The following MYO16 variants were observed in gnomAD, a reference collection of about 807,000 sequenced individuals.
The protein encoded by MYO16 is unconventional myosin-XVI.
A neutral mutation model predicts 205.3 loss-of-function variants in MYO16; 94 were observed. That is an observed-to-expected ratio of 0.46 (90% CI 0.39 to 0.54). The LOEUF (loss-of-function observed/expected upper bound fraction) is 0.54. MYO16 is among the 20% of genes least tolerant of loss of function. The pLI is 0.00. For missense variants in MYO16, 2,315 were observed against 2,387.5 expected (o/e 0.97, Z 0.63); for synonymous variants, 988 against 954.0 (o/e 1.04, Z -0.66).
chr13:108,676,370 C>CACGTGTGTGT (rs1245845490), intron 2 of MYO16, among the ~76,000 whole-genome samples: 2 of 27,196 alleles, frequency 7.4e-5, no homozygotes, highest in South Asian at 2.0e-3. Flanking sequence ...ATTATATGTA[C>CACGTGTGTGT]GCGTGTGTGT....
the MYO16 span, among the ~76,000 whole-genome samples, chr13:108,532,617 A>AC: frequency 6.7e-6 from 1 of 148,194 alleles, no homozygotes. Context: ...ACATAGTGAG[A>AC]CCCCCATCTC....
At chr13:108,983,964 C>A (rs540869099) in intron 20 of MYO16, among the ~76,000 whole-genome samples, 1 of 152,112 alleles carries the variant, frequency 6.6e-6, no homozygotes, top group Non-Finnish European at 1.5e-5. Flanking sequence ...AATTTATCAG[C>A]CTGGAAAGGT....
rs533078321 is a variant in MYO16 at position 108,773,068 on chromosome 13, C to T, written c.508-12567C>T. Reference sequence around the variant, plus strand: ...CCTAGTCTTCATAGTTGGCTATCTTCGTACTGTATCCTTACATGGTAGAAA... The same window carrying T: ...CCTAGTCTTCATAGTTGGCTATCTTTGTACTGTATCCTTACATGGTAGAAA... On this transcript the variant is annotated intron_variant, in intron 4 of 34. Transcript: ENST00000457511. Among the ~76,000 whole-genome samples the T allele has an allele frequency of 6.2e-4, 95 of 152,166 alleles. 1 individual carries two copies. The highest frequency in any genetic ancestry group is 1.2e-3 in the Non-Finnish European group (81 of 68,034).
At chr13:108,653,473 T>C (rs1881102623) in intron 1 of MYO16, among the ~76,000 whole-genome samples, 1 of 152,124 alleles carries the variant, frequency 6.6e-6, no homozygotes, top group African/African-American at 2.4e-5. Flanking sequence ...TCCAATGTCA[T>C]AAATGTCATA....
intron 4 of MYO16, among the ~76,000 whole-genome samples, chr13:108,743,795 A>G (rs1884979571): frequency 6.6e-6 from 1 of 152,254 alleles, no homozygotes; most frequent in Non-Finnish European, 1.5e-5. Flanking sequence ...CATTTCGTAC[A>G]CATATGGCTT....
intron 12 of MYO16, among the ~76,000 whole-genome samples, chr13:108,875,041 T>C (rs1879259934): frequency 6.6e-6 from 1 of 152,108 alleles, no homozygotes; most frequent in South Asian, 2.1e-4. Flanking sequence ...TGGAGAAATA[T>C]AATGACCAGT....
At chr13:108,704,910 A>G (rs1362875601) in intron 2 of MYO16, among the ~76,000 whole-genome samples, 1 of 151,282 alleles carries the variant, frequency 6.6e-6, no homozygotes, top group Non-Finnish European at 1.5e-5. Flanking sequence ...GAAAATATCA[A>G]CACAATGAAA....
chr13:109,031,626 A>G (rs1389719420), intron 23 of MYO16, among the ~76,000 whole-genome samples: 2 of 152,142 alleles, frequency 1.3e-5, no homozygotes, highest in African/African-American at 2.4e-5. Flanking sequence ...CTTCCAAATT[A>G]TTTTCACATT....
intron 6 of MYO16, among the ~76,000 whole-genome samples, chr13:108,805,607 A>C (rs1887089501): frequency 6.6e-6 from 1 of 152,036 alleles, no homozygotes; most frequent in Non-Finnish European, 1.5e-5. Flanking sequence ...TGTTTATAAA[A>C]TACATCATGT....
intron 22 of MYO16, among the ~76,000 whole-genome samples, chr13:109,013,103 A>ACCC (rs1248419494): frequency 0.026 from 383 of 14,520 alleles, no homozygotes; most frequent in South Asian, 0.045. Flanking sequence ...TCCTAATGCT[A>ACCC]CCCCTCCCCC....
At chr13:109,065,474 TA>T (rs1164358952) in intron 27 of MYO16, 4 of 411,782 alleles carry the variant, frequency 9.7e-6, no homozygotes, top group African/African-American at 6.4e-5. Context: ...TAAAACCATT[TA>T]TTTTTTTCAA....
chr13:108,705,018 T>C (rs1253080048), intron 2 of MYO16, among the ~76,000 whole-genome samples: 2 of 151,494 alleles, frequency 1.3e-5, no homozygotes, highest in African/African-American at 4.8e-5. Flanking sequence ...GAAGATACAA[T>C]AGTGCCCCCT....
chr13:108,773,817 G>A (rs9521033), intron 4 of MYO16, among the ~76,000 whole-genome samples: 63,136 of 151,944 alleles, frequency 0.42, 14,651 homozygotes, highest in East Asian at 0.63. Flanking sequence ...AAATGTGTTA[G>A]CATGTAAAAA....
At chr13:108,773,657 T>A (rs9521031) in intron 4 of MYO16, among the ~76,000 whole-genome samples, 16 of 152,004 alleles carry the variant, frequency 1.1e-4, no homozygotes, top group Admixed American at 1.0e-3. Context: ...TCTGCAGTGA[T>A]CCTATTTCCA....
intron 33 of MYO16, 71 bp downstream of exon 33, chr13:109,165,130 G>A (rs1332649838): frequency 3.4e-6 from 4 of 1,193,744 alleles, no homozygotes; most frequent in Non-Finnish European, 4.7e-6. Flanking sequence ...GGGAGGAATG[G>A]ATTTAAAATA....
At chr13:108,667,237 G>A (rs947226218) in intron 2 of MYO16, among the ~76,000 whole-genome samples, 1 of 151,348 alleles carries the variant, frequency 6.6e-6, no homozygotes, top group Non-Finnish European at 1.5e-5. Context: ...GTTATACATG[G>A]TAAGAAGACT....
intron 10 of MYO16, among the ~76,000 whole-genome samples, chr13:108,851,421 T>C (rs910271643): frequency 6.6e-6 from 1 of 152,178 alleles, no homozygotes; most frequent in Non-Finnish European, 1.5e-5. Flanking sequence ...GAAAGCTCCC[T>C]TTCATGTGTC....
intron 16 of MYO16, among the ~76,000 whole-genome samples, chr13:108,911,229 G>T (rs1281154172): frequency 6.6e-6 from 1 of 152,046 alleles, no homozygotes; most frequent in East Asian, 1.9e-4. Flanking sequence ...AATATCTCCA[G>T]TTCTCTCTGC....
chr13:109,106,372 T>G (rs1162822513), intron 28 of MYO16, among the ~76,000 whole-genome samples: 10 of 152,356 alleles, frequency 6.6e-5, no homozygotes. Flanking sequence ...AAAGGATCCC[T>G]CTGGAACTGT....
Sources: gnomAD v4.1 joint callset for allele counts (sites outside exome capture counted in the v4.1 genomes callset) on GRCh38, gnomAD v4.1.1 for gene constraint, MANE v1.5 for transcripts, NCBI Gene and HGNC (gene_info 2026-07-23, HGNC 2026-07-21) for gene names.